Variants in INSYN2B observed in about 807,000 individuals in gnomAD.
INSYN2B encodes inhibitory synaptic factor family member 2B, also known as protein INSYN2B.
A neutral mutation model predicts 41.2 loss-of-function variants in INSYN2B; 16 were observed. The observed-to-expected ratio is 0.39, with a 90% CI of 0.26 to 0.59. The LOEUF (loss-of-function observed/expected upper bound fraction) is 0.59, where lower values mean the gene tolerates loss of function less well. Ranked by LOEUF, INSYN2B falls within the 20% of genes least tolerant of loss-of-function variation. The probability of loss-of-function intolerance (pLI) is 0.57; values close to 1 mark genes in which losing one functional copy is unlikely to be tolerated. For synonymous variants in INSYN2B, 245 were observed against 244.4 expected (o/e 1.00, Z -0.02); for missense variants, 608 against 646.4 (o/e 0.94, Z 0.64).
chr5:169,945,702 T>C (rs1410634289), intron 1 of INSYN2B, among the ~76,000 whole-genome samples: 1 of 152,156 alleles, frequency 6.6e-6, no homozygotes, highest in Non-Finnish European at 1.5e-5. Flanking sequence ...GATGTGCTCC[T>C]CCCGCTTAAA....
intron 1 of INSYN2B, among the ~76,000 whole-genome samples, chr5:169,915,962 AAGATG>A: frequency 6.6e-6 from 1 of 152,222 alleles, no homozygotes; most frequent in East Asian, 1.9e-4. Flanking sequence ...TGAATTCTGT[AAGATG>A]ATAAAAAACA....
At chr5:169,947,863 C>T (rs1206316400) in intron 1 of INSYN2B, among the ~76,000 whole-genome samples, 1 of 152,116 alleles carries the variant, frequency 6.6e-6, no homozygotes, top group African/African-American at 2.4e-5. Context: ...TACATGGTGC[C>T]TGCTGGGTGA....
chr5:169,919,455 G>A (rs150763726), intron 1 of INSYN2B, among the ~76,000 whole-genome samples: 46 of 152,302 alleles, frequency 3.0e-4, no homozygotes, highest in Admixed American at 7.8e-4. Flanking sequence ...GTAATGGCCA[G>A]TATCATTAAT....
At chr5:169,904,551 C>G (rs1774161400) in intron 1 of INSYN2B, among the ~76,000 whole-genome samples, 1 of 152,014 alleles carries the variant, frequency 6.6e-6, no homozygotes, top group South Asian at 2.1e-4. Context: ...AGAGCTCAGG[C>G]CTTTAGAGTG....
At chr5:169,885,742 C>T (rs535976820) in intron 1 of INSYN2B, among the ~76,000 whole-genome samples, 1 of 152,216 alleles carries the variant, frequency 6.6e-6, no homozygotes, top group South Asian at 2.1e-4. Context: ...TAATCACAAA[C>T]TACTCTATAA....
At chr5:169,871,508 C>T (rs1323902817) in intron 3 of INSYN2B, among the ~76,000 whole-genome samples, 1 of 152,166 alleles carries the variant, frequency 6.6e-6, no homozygotes, top group Non-Finnish European at 1.5e-5. Context: ...AATAATATTA[C>T]CTTCATTTTA....
chr5:169,928,444 C>T (rs1775581780), intron 1 of INSYN2B, among the ~76,000 whole-genome samples: 1 of 152,250 alleles, frequency 6.6e-6, no homozygotes, highest in Non-Finnish European at 1.5e-5. Flanking sequence ...GTTCCCCAGC[C>T]TTAGTTCTAC....
chr5:169,925,562 A>T lies in INSYN2B; in HGVS notation c.-918-40746T>A, dbSNP rs146797984. Among the ~76,000 whole-genome samples, 1,048 of 140,850 alleles carry T rather than the reference A, an allele frequency of 7.4e-3. 17 individuals are homozygous for T. The highest frequency in any genetic ancestry group is 0.035 in the Middle Eastern group (10 of 284). 92.4% of individuals were successfully genotyped at this position (140,850 alleles called of 152,430 possible). ...GCCACTGAACTCCAGCCTGGGCGACAGAGCAAGACTCTGTCTTAAAAAAAA... is the reference window on the plus strand; with the variant it reads ...GCCACTGAACTCCAGCCTGGGCGACTGAGCAAGACTCTGTCTTAAAAAAAA... On this transcript the variant is annotated intron_variant, in intron 1 of 3. Transcript: ENST00000377365.
chr5:169,907,448 G>C (rs1236207561), intron 1 of INSYN2B, among the ~76,000 whole-genome samples: 1 of 152,202 alleles, frequency 6.6e-6, no homozygotes, highest in East Asian at 1.9e-4. Context: ...CAGAGAAGCA[G>C]CTAAAATCTG....
intron 1 of INSYN2B, among the ~76,000 whole-genome samples, chr5:169,972,795 G>A (rs899594093): frequency 2.0e-5 from 3 of 152,292 alleles, no homozygotes; most frequent in South Asian, 2.1e-4. Context: ...CGGGAAAAAT[G>A]TTCTCCAATG....
chr5:169,887,141 G>A (rs1406100433), intron 1 of INSYN2B, among the ~76,000 whole-genome samples: 1 of 152,148 alleles, frequency 6.6e-6, no homozygotes, highest in Non-Finnish European at 1.5e-5. Flanking sequence ...TTCAGGACTG[G>A]AAAGATTAAT....
At chr5:169,950,422 A>C (rs1422511373) in intron 1 of INSYN2B, among the ~76,000 whole-genome samples, 1 of 152,252 alleles carries the variant, frequency 6.6e-6, no homozygotes, top group Non-Finnish European at 1.5e-5. Flanking sequence ...TTGGACTTTC[A>C]AACAACAGAA....
At chr5:169,871,032 C>A (rs1051520369) in intron 3 of INSYN2B, among the ~76,000 whole-genome samples, 2 of 152,150 alleles carry the variant, frequency 1.3e-5, no homozygotes, top group Admixed American at 6.5e-5. Context: ...CTTGCTGTGT[C>A]CTCACGTGGC....
intron 1 of INSYN2B, among the ~76,000 whole-genome samples, chr5:169,970,610 G>T (rs554023248): frequency 6.6e-6 from 1 of 152,254 alleles, no homozygotes; most frequent in South Asian, 2.1e-4. Flanking sequence ...TGGCTTGCAG[G>T]GTAGTTCCCA....
intron 1 of INSYN2B, among the ~76,000 whole-genome samples, chr5:169,903,365 C>G (rs1362860676): frequency 6.7e-6 from 1 of 149,572 alleles, no homozygotes; most frequent in East Asian, 2.0e-4. Flanking sequence ...GTGGTAAATA[C>G]CCACCAAGAG....
intron 1 of INSYN2B, among the ~76,000 whole-genome samples, chr5:169,978,375 A>ATGTGTGTGTG (rs70979152): frequency 1.6e-4 from 4 of 25,746 alleles, no homozygotes; most frequent in African/African-American, 5.6e-4. Context: ...GGCTCTGTGT[A>ATGTGTGTGTG]TGTGTGTGTG....
intron 1 of INSYN2B, among the ~76,000 whole-genome samples, chr5:169,924,636 A>G (rs2113661448): frequency 6.6e-6 from 1 of 152,190 alleles, no homozygotes; most frequent in East Asian, 1.9e-4. Flanking sequence ...AAGACTTCCT[A>G]TTAGCAACCC....
chr5:169,926,442 G>A lies in INSYN2B; in HGVS notation c.-918-41626C>T, dbSNP rs530776464. ...TAGGCCCTTTTCCCTGATCACATGA[G>A]CCTCGGATTATGGTCTGCATTGATC... On this transcript the variant is annotated intron_variant, in intron 1 of 3. Coordinates refer to ENST00000377365, the MANE Select transcript of INSYN2B (RefSeq NM_001129891.3). Among the ~76,000 whole-genome samples, 6 of 152,260 alleles carry A rather than the reference G, an allele frequency of 3.9e-5. No homozygotes were observed. The East Asian group carries it at 7.7e-4, about 20-fold the overall frequency.
intron 1 of INSYN2B, among the ~76,000 whole-genome samples, chr5:169,916,052 G>C (rs1774856680): frequency 6.6e-6 from 1 of 152,158 alleles, no homozygotes. Context: ...TAGATTAGAA[G>C]TATGGGAACT....
Sources: allele counts gnomAD v4.1 joint callset (sites outside exome capture counted in the v4.1 genomes callset), GRCh38; gene constraint gnomAD v4.1.1; transcripts MANE v1.5; gene names NCBI Gene and HGNC (gene_info 2026-07-23, HGNC 2026-07-21).